BRD8: variants seen among roughly 807,000 people sequenced by gnomAD.
BRD8 encodes bromodomain containing 8.
BRD8 carries 67 observed loss-of-function variants against 143.1 expected under a neutral mutation model. The observed-to-expected ratio is 0.47, with a 90% CI of 0.38 to 0.57. BRD8 has a LOEUF of 0.57. BRD8 is among the 20% of genes least tolerant of loss of function. The pLI is 0.00. For synonymous variants in BRD8, 505 were observed against 517.1 expected (o/e 0.98, Z 0.32); for missense variants, 1,103 against 1,503.0 (o/e 0.73, Z 4.40).
At chr5:138,162,814 T>C (rs903497528) in intron 15 of BRD8, among the ~76,000 whole-genome samples, 1 of 151,956 alleles carries the variant, frequency 6.6e-6, no homozygotes, top group Non-Finnish European at 1.5e-5. Context: ...CTGGGCAATG[T>C]AGCAAAACTT....
intron 25 of BRD8, among the ~76,000 whole-genome samples, chr5:138,143,801 G>C (rs1436616054): frequency 6.6e-6 from 1 of 151,458 alleles, no homozygotes; most frequent in Non-Finnish European, 1.5e-5. Context: ...GCACCAATCA[G>C]CACTCTATAA....
At chr5:138,158,472 CTT>C (rs1440130400) in intron 20 of BRD8, among the ~76,000 whole-genome samples, 2 of 151,902 alleles carry the variant, frequency 1.3e-5, no homozygotes, top group Admixed American at 6.6e-5. Flanking sequence ...GAGTTTCACT[CTT>C]GTTGCCCAGG....
rs1419737135 is a variant in BRD8 at position 138,165,928 on chromosome 5, T to G, written c.1178A>C (p.Glu393Ala). The G allele has an allele frequency of 6.2e-7, 1 of 1,614,100 alleles. No individual in the cohort carries two copies. The highest frequency in any genetic ancestry group is 1.3e-5 in the African/African-American group (1 of 74,928). ...ATCCATCTTCTCAGCCAGATCTAAT[T>G]CTTCCTTCCCATCTATGCTGGGAGC... ...SKAPSIDGKEELDLAEKMDIA... is the reference protein window; with the variant it reads ...SKAPSIDGKEALDLAEKMDIA... Residue 393 changes from glutamate to alanine, a missense_variant, in exon 11 of 27, where the codon GAA becomes GCA. Physicochemically the swap from Glu to Ala is moderately radical, Grantham distance 107 (BLOSUM62 -1). Coordinates refer to ENST00000254900, the MANE Select transcript of BRD8 (RefSeq NM_139199.2).
intron 9 of BRD8, chr5:138,167,719 T>C (rs1461537421): frequency 3.2e-5 from 17 of 529,172 alleles, no homozygotes; most frequent in Non-Finnish European, 5.8e-5. Context: ...TCAATATCCA[T>C]GCTGTGGTCA....
intron 20 of BRD8, chr5:138,157,589 AAGGT>A: frequency 3.2e-6 from 1 of 308,216 alleles, no homozygotes; most frequent in Non-Finnish European, 6.1e-6. Context: ...GAGTAAAAGA[AAGGT>A]AGGAGAGTCA....
chr5:138,163,515 A>C (rs1321462223), intron 14 of BRD8, 171 bp from the exon 15 acceptor site: 1 of 1,421,508 alleles, frequency 7.0e-7, no homozygotes, highest in Non-Finnish European at 9.4e-7. Context: ...CACTGCGTTA[A>C]GTAATTTAGA....
chr5:138,165,759 A>G (rs1334347974), intron 11 of BRD8, 69 bp downstream of exon 11: 2 of 1,455,448 alleles, frequency 1.4e-6, no homozygotes, highest in African/African-American at 2.9e-5. Flanking sequence ...CAGCAGCACC[A>G]AAGTGAGGCT....
Position 138,164,361 on chromosome 5 carries a change from T to G in BRD8, c.1784A>C (p.Asp595Ala). ...SPSHGSNPIE[D>A]PLEAETQHKF... ...GTGCTGAGTCTCTGCCTCTAAAGGA[T>G]CTTCAATGGGATTTGAGCCATGTGA... The change falls in exon 13 of 27, where the codon GAT becomes GCT. Residue 595 changes from aspartate to alanine, a missense_variant. By Grantham distance (126) the Asp-to-Ala change is moderately radical. This residue lies in a region of BRD8 where 139 missense variants were observed against 139.0 expected (regional missense o/e 1.00). Coordinates refer to ENST00000254900, the MANE Select transcript of BRD8 (RefSeq NM_139199.2). 6.2e-7 allele frequency: 1 copy of G among 1,614,146 alleles called. No individual in the cohort carries two copies. The highest frequency in any genetic ancestry group is 1.1e-5 in the South Asian group (1 of 91,082).
At chr5:138,157,404 A>G (rs1752674936) in intron 20 of BRD8, 2 of 1,111,472 alleles carry the variant, frequency 1.8e-6, no homozygotes, top group African/African-American at 1.6e-5. Flanking sequence ...GATGAGGGGC[A>G]TATTTCTGTC....
chr5:138,159,720 A>G, intron 19 of BRD8, 121 bp from the exon 20 acceptor site: 1 of 923,264 alleles, frequency 1.1e-6, no homozygotes, highest in South Asian at 1.5e-5. Context: ...AAAACTCAAG[A>G]ACAAGAGGAA....
chr5:138,175,015 G>A (rs1443859719), intron 2 of BRD8, among the ~76,000 whole-genome samples: 3 of 150,910 alleles, frequency 2.0e-5, no homozygotes, highest in African/African-American at 4.9e-5. Context: ...TCAGCCTCCT[G>A]AGTAGCTGGG....
At chr5:138,145,106 CAG>C in intron 25 of BRD8, 69 bp downstream of exon 25, 1 of 1,431,996 alleles carries the variant, frequency 7.0e-7, no homozygotes, top group Non-Finnish European at 9.6e-7. Flanking sequence ...AATAATCTAA[CAG>C]ATGGGAAATA....
chr5:138,150,626 T>G, intron 22 of BRD8, 119 bp downstream of exon 22: 3 of 1,190,990 alleles, frequency 2.5e-6, no homozygotes, highest in Non-Finnish European at 3.5e-6. Context: ...TGGTGCTAAA[T>G]CCAGGATTTG....
intron 15 of BRD8, among the ~76,000 whole-genome samples, chr5:138,162,793 T>C (rs1420563457): frequency 1.3e-5 from 2 of 151,926 alleles, no homozygotes; most frequent in Non-Finnish European, 2.9e-5. Context: ...GCTCAGGAGT[T>C]TGAGACCAGC....
intron 20 of BRD8, among the ~76,000 whole-genome samples, chr5:138,156,464 T>C (rs1346169715): frequency 2.0e-5 from 3 of 152,070 alleles, no homozygotes; most frequent in Non-Finnish European, 4.4e-5. Context: ...ACAGAGTCTT[T>C]AACCATAAAA....
At chr5:138,154,060 C>G (rs1462797416) in intron 20 of BRD8, among the ~76,000 whole-genome samples, 4 of 152,130 alleles carry the variant, frequency 2.6e-5, no homozygotes, top group Non-Finnish European at 5.9e-5. Flanking sequence ...GTCCTCTTCC[C>G]AGTTTTCTCC....
At chr5:138,172,352 G>A (rs1156652333) in intron 2 of BRD8, among the ~76,000 whole-genome samples, 4 of 150,622 alleles carry the variant, frequency 2.7e-5, no homozygotes, top group Non-Finnish European at 5.9e-5. Context: ...GTGAAACCCC[G>A]TCTCTACTAA....
intron 2 of BRD8, among the ~76,000 whole-genome samples, chr5:138,176,409 T>C (rs981559083): frequency 1.3e-5 from 2 of 151,882 alleles, no homozygotes; most frequent in African/African-American, 4.8e-5. Context: ...TCATCTCTAC[T>C]AAAAATACAA....
chr5:138,148,172 A>G (rs1005033662), intron 23 of BRD8, among the ~76,000 whole-genome samples: 13 of 150,444 alleles, frequency 8.6e-5, no homozygotes, highest in Middle Eastern at 3.4e-3. Context: ...AAAAAAAAAA[A>G]AAAAGAAAAA....
Sources: allele counts gnomAD v4.1 joint callset (sites outside exome capture counted in the v4.1 genomes callset), GRCh38; gene constraint gnomAD v4.1.1; regional missense constraint gnomAD v4.1.1; transcripts MANE v1.5; gene names NCBI Gene and HGNC (gene_info 2026-07-23, HGNC 2026-07-21).